Variants in ADGRL2 observed in about 807,000 individuals in gnomAD.
ADGRL2 encodes adhesion G protein-coupled receptor L2.
Under a neutral mutation model 157.4 loss-of-function variants are expected in ADGRL2, and 44 were observed. That is an observed-to-expected ratio of 0.28 (90% CI 0.22 to 0.36). ADGRL2 has a LOEUF of 0.36. Among genes scored for constraint, ADGRL2 ranks in the 10% least tolerant of loss-of-function variants. ADGRL2 has a pLI of 1.00. For missense variants in ADGRL2, 1,510 were observed against 1,768.9 expected (o/e 0.85, Z 2.63); for synonymous variants, 585 against 624.7 (o/e 0.94, Z 0.95).
intron 2 of ADGRL2, among the ~76,000 whole-genome samples, chr1:81,862,315 A>T (rs931953579): frequency 5.9e-5 from 9 of 152,166 alleles, no homozygotes; most frequent in East Asian, 5.8e-4. Context: ...AAAAGAAATT[A>T]AAAAAAGCAC....
intron 2 of ADGRL2, among the ~76,000 whole-genome samples, chr1:81,898,585 G>A (rs1464515437): frequency 1.3e-5 from 2 of 152,104 alleles, no homozygotes; most frequent in Admixed American, 6.6e-5. Context: ...AAATTTACAC[G>A]AAATAGGTTT....
At chr1:81,431,535 G>C (rs889578378) in intron 1 of ADGRL2, among the ~76,000 whole-genome samples, 5 of 152,322 alleles carry the variant, frequency 3.3e-5, no homozygotes, top group Non-Finnish European at 5.9e-5. Flanking sequence ...AGAATTAGCA[G>C]CCCTGTGATC....
intron 1 of ADGRL2, among the ~76,000 whole-genome samples, chr1:81,415,498 A>G (rs923249343): frequency 2.6e-5 from 4 of 152,222 alleles, no homozygotes; most frequent in Non-Finnish European, 5.9e-5. Flanking sequence ...GGTCCCTAAA[A>G]AAAGATACGA....
At chr1:81,306,449 T>G (rs1659341818) in exon 1 of ADGRL2, 1 of 152,154 alleles carries the variant, frequency 6.6e-6, no homozygotes, top group Non-Finnish European at 1.5e-5. Flanking sequence ...AACTGCTGCC[T>G]GGCTTTACTT....
rs1042971613 is a variant in ADGRL2 at position 81,970,246 on chromosome 1, A to G, written c.2734-68A>G. The G allele has an allele frequency of 7.0e-6, 7 of 1,002,068 alleles. No homozygotes were observed. The African/African-American group carries it at 8.0e-5, about 11-fold the overall frequency. The allele number at this position is 1,002,068 out of a possible 1,614,324, so 62.1% of individuals were successfully genotyped here. On this transcript the variant is annotated intron_variant, in intron 15 of 23. Transcript: ENST00000686636. The stretch of plus-strand genomic sequence containing the variant: ...AGTGATTTCTCTTAGTGAGTATTTT[A>G]TAATTTTGGAGTGGGCTATTTTTAT...
chr1:81,717,446 G>A (rs1428983744), intron 1 of ADGRL2, among the ~76,000 whole-genome samples: 1 of 152,166 alleles, frequency 6.6e-6, no homozygotes, highest in Non-Finnish European at 1.5e-5. Context: ...ATTTGGCAAT[G>A]AAGTGAAATG....
intron 1 of ADGRL2, among the ~76,000 whole-genome samples, chr1:81,734,222 A>AGCCGAGATCACACCATTGCACTCC (rs2084821895): frequency 1.3e-5 from 2 of 149,760 alleles, no homozygotes; most frequent in African/African-American, 4.9e-5. Flanking sequence ...GGTTGCAATG[A>AGCCGAGATCACACCATTGCACTCC]GCCGAGATCA....
intron 3 of ADGRL2, among the ~76,000 whole-genome samples, chr1:81,603,792 G>A (rs1011528709): frequency 4.6e-5 from 7 of 152,296 alleles, no homozygotes; most frequent in African/African-American, 1.4e-4. Flanking sequence ...CATTAAAGGC[G>A]AGTCCTGTTC....
At chr1:81,550,637 G>A (rs927360215) in intron 2 of ADGRL2, among the ~76,000 whole-genome samples, 1 of 152,138 alleles carries the variant, frequency 6.6e-6, no homozygotes, top group South Asian at 2.1e-4. Flanking sequence ...TTAGCAGCAC[G>A]CCGAGTTGGC....
chr1:81,329,311 G>T (rs1300155253), intron 1 of ADGRL2, among the ~76,000 whole-genome samples: 1 of 151,986 alleles, frequency 6.6e-6, no homozygotes, highest in African/African-American at 2.4e-5. Context: ...CAATCCAAAG[G>T]CTCATCTTTA....
At chr1:81,343,288 C>T (rs1477186577) in intron 1 of ADGRL2, among the ~76,000 whole-genome samples, 1 of 151,784 alleles carries the variant, frequency 6.6e-6, no homozygotes, top group Non-Finnish European at 1.5e-5. Context: ...CGGGGTTTTA[C>T]CATGTTGGCA....
intron 2 of ADGRL2, among the ~76,000 whole-genome samples, chr1:81,464,079 C>G (rs188057948): frequency 1.3e-5 from 2 of 152,014 alleles, no homozygotes; most frequent in African/African-American, 4.8e-5. Context: ...TAGTATGCCC[C>G]AGCAGGAAAT....
At chr1:81,672,694 A>T (rs150570749) in intron 3 of ADGRL2, among the ~76,000 whole-genome samples, 47 of 152,328 alleles carry the variant, frequency 3.1e-4, no homozygotes, top group Admixed American at 5.2e-4. Context: ...AAATGTTGAC[A>T]TTGAACCGTG....
At chr1:81,591,865 C>T (rs994737144) in intron 3 of ADGRL2, among the ~76,000 whole-genome samples, 1 of 152,254 alleles carries the variant, frequency 6.6e-6, no homozygotes, top group African/African-American at 2.4e-5. Context: ...GTGGATACTT[C>T]CCCAGTTGAG....
intron 2 of ADGRL2, among the ~76,000 whole-genome samples, chr1:81,897,423 TTTAAG>T (rs1184370186): frequency 6.6e-6 from 1 of 152,188 alleles, no homozygotes; most frequent in African/African-American, 2.4e-5. Context: ...CAGGAATTTT[TTTAAG>T]TTAAGTATTA....
intron 3 of ADGRL2, among the ~76,000 whole-genome samples, chr1:81,684,417 C>T (rs1295209777): frequency 1.3e-5 from 2 of 152,020 alleles, no homozygotes. Flanking sequence ...GTTTGTTCAC[C>T]GTTTGTATAT....
intron 1 of ADGRL2, among the ~76,000 whole-genome samples, chr1:81,369,655 T>C (rs1308256582): frequency 6.6e-6 from 1 of 152,070 alleles, no homozygotes; most frequent in Non-Finnish European, 1.5e-5. Flanking sequence ...ACTTTTTTCA[T>C]GTGCAAAAGA....
chr1:81,701,197 T>G (rs1242293155), intron 1 of ADGRL2, among the ~76,000 whole-genome samples: 1 of 152,216 alleles, frequency 6.6e-6, no homozygotes, highest in Non-Finnish European at 1.5e-5. Flanking sequence ...TCTTTTTGAT[T>G]AAAATAAAAT....
In ADGRL2 at chr1:81,508,031, C is replaced by T. The variant is rs986685088; in HGVS notation, c.-248+62942C>T. Among the ~76,000 whole-genome samples, 8 of 152,284 alleles carry T rather than the reference C, an allele frequency of 5.3e-5. No individual in the cohort carries two copies. In the East Asian group the frequency reaches 7.7e-4, roughly 15 times the overall value. On this transcript the variant is annotated intron_variant, in intron 2 of 24. Transcript: ENST00000370721. ...ATTTTGCCTTTTATTTGCTATTTAA[C>T]ATTATTCTAAGAAAACATTTAATTT...
Sources: gnomAD v4.1 joint callset for allele counts (sites outside exome capture counted in the v4.1 genomes callset) on GRCh38, gnomAD v4.1.1 for gene constraint, MANE v1.5 for transcripts, NCBI Gene and HGNC (gene_info 2026-07-23, HGNC 2026-07-21) for gene names.